GRIP1: variants seen among roughly 807,000 people sequenced by gnomAD.
GRIP1 encodes glutamate receptor-interacting protein 1.
Under a neutral mutation model 129.9 loss-of-function variants are expected in GRIP1, and 45 were observed. That is an observed-to-expected ratio of 0.35 (90% confidence interval 0.27 to 0.44). GRIP1 has a LOEUF of 0.44. Ranked by LOEUF, GRIP1 falls within the 20% of genes least tolerant of loss-of-function variation. The pLI is 1.00. For missense variants in GRIP1, 1,196 were observed against 1,396.8 expected, an observed-to-expected ratio of 0.86 and a Z score of 2.29; for synonymous variants, 530 against 520.8, an observed-to-expected ratio of 1.02 and a Z score of -0.24.
At chr12:66,519,999 C>T (rs897010158) in intron 5 of GRIP1, among the ~76,000 whole-genome samples, 6 of 152,104 alleles carry the variant, frequency 3.9e-5, no homozygotes, top group Non-Finnish European at 8.8e-5. Flanking sequence ...ATGCAAGCTT[C>T]TATTGTTTAG....
At chr12:66,684,251 G>C (rs2034695374) in intron 1 of GRIP1, among the ~76,000 whole-genome samples, 1 of 152,074 alleles carries the variant, frequency 6.6e-6, no homozygotes, top group African/African-American at 2.4e-5. Context: ...GGATTGGTTT[G>C]GTCAGAGAAA....
chr12:67,047,384 A>T (rs999687857), intron 1 of GRIP1, among the ~76,000 whole-genome samples: 3 of 152,186 alleles, frequency 2.0e-5, no homozygotes, highest in Admixed American at 6.5e-5. Flanking sequence ...AGATAACTTA[A>T]TATTTTCATG....
At chr12:66,820,498 T>C (rs1367079267) in intron 1 of GRIP1, among the ~76,000 whole-genome samples, 1 of 152,150 alleles carries the variant, frequency 6.6e-6, no homozygotes, top group Non-Finnish European at 1.5e-5. Flanking sequence ...GCAATCATGC[T>C]CATTGGTATT....
intron 1 of GRIP1, among the ~76,000 whole-genome samples, chr12:66,676,743 TCCA>T (rs373984465): frequency 7.2e-4 from 110 of 152,198 alleles, no homozygotes; most frequent in African/African-American, 2.5e-3. Context: ...CAAGTGTATA[TCCA>T]CCCCTGTCCC....
chr12:66,701,342 A>T (rs1484551860), intron 1 of GRIP1, among the ~76,000 whole-genome samples: 1 of 152,236 alleles, frequency 6.6e-6, no homozygotes, highest in Non-Finnish European at 1.5e-5. Context: ...CTACTTTAGT[A>T]GAATTACTTT....
chr12:66,820,053 C>CT (rs2039291140), intron 1 of GRIP1, among the ~76,000 whole-genome samples: 1 of 152,128 alleles, frequency 6.6e-6, no homozygotes. Flanking sequence ...CTGAGGTTCT[C>CT]ACAGTGAATA....
chr12:67,066,818 G>A (rs1175207711), intron 1 of GRIP1, among the ~76,000 whole-genome samples: 2 of 149,492 alleles, frequency 1.3e-5, no homozygotes, highest in East Asian at 3.9e-4. Flanking sequence ...AAAAGGATAA[G>A]CCAAGCTCAA....
At chr12:66,631,603 TTC>T (rs1026972189) in intron 1 of GRIP1, among the ~76,000 whole-genome samples, 1 of 144,322 alleles carries the variant, frequency 6.9e-6, no homozygotes, top group African/African-American at 2.6e-5. Flanking sequence ...GATGCGAGAT[TTC>T]TCTCTTTCTC....
At chr12:66,577,288 G>A (rs750339439) in intron 2 of GRIP1, among the ~76,000 whole-genome samples, 12 of 91,124 alleles carry the variant, frequency 1.3e-4, no homozygotes, top group Admixed American at 2.5e-4. Context: ...ATCAGGGTAA[G>A]GAATGCTCAA....
At chr12:66,600,363 A>G (rs1268742615) in intron 1 of GRIP1, among the ~76,000 whole-genome samples, 2 of 152,246 alleles carry the variant, frequency 1.3e-5, no homozygotes, top group East Asian at 1.9e-4. Flanking sequence ...AACGAACAAA[A>G]AAAAGGTCAA....
chr12:66,488,046 G>A (rs2060003575), intron 7 of GRIP1, among the ~76,000 whole-genome samples: 2 of 152,038 alleles, frequency 1.3e-5, no homozygotes, highest in Admixed American at 6.6e-5. Context: ...TTTAACACCC[G>A]ACAGGCAATA....
rs1428079434 is a variant in GRIP1, at chr12:66,581,337, T to G, written c.136+15510A>C. 6.6e-5 allele frequency among the ~76,000 whole-genome samples: 10 copies of G among 150,586 alleles called. No homozygotes were observed. The East Asian group carries it at 9.8e-4, about 15-fold the overall frequency. ...AAAATTGACACCCTAACATCACAAT[T>G]AAAAGAACTAGAAAAGCAAGAGCAA... On this transcript the variant is annotated intron_variant, in intron 2 of 24. Transcript: ENST00000359742.
At chr12:66,971,831 G>A (rs760695152) in intron 1 of GRIP1, among the ~76,000 whole-genome samples, 1 of 152,172 alleles carries the variant, frequency 6.6e-6, no homozygotes, top group African/African-American at 2.4e-5. Flanking sequence ...GTGAAGAAAT[G>A]TCACTTTGAT....
At chr12:66,748,113 G>A (rs138037518) in intron 1 of GRIP1, among the ~76,000 whole-genome samples, 6,556 of 152,012 alleles carry the variant, frequency 0.043, 238 homozygotes, top group African/African-American at 0.094. Context: ...CCACCTTCTG[G>A]GTTTAAGCGA....
chr12:66,477,144 A>C (rs1194468267), intron 7 of GRIP1, among the ~76,000 whole-genome samples: 3 of 152,222 alleles, frequency 2.0e-5, no homozygotes, highest in Non-Finnish European at 4.4e-5. Context: ...GTCTCAGCCC[A>C]AAATCTCCTT....
At chr12:66,661,990 A>C (rs1036029285) in intron 1 of GRIP1, among the ~76,000 whole-genome samples, 1 of 152,192 alleles carries the variant, frequency 6.6e-6, no homozygotes. Context: ...CACTGTAGCC[A>C]TTCCCACCCT....
At chr12:66,598,017 G>A (rs1383410971) in intron 1 of GRIP1, among the ~76,000 whole-genome samples, 2 of 151,556 alleles carry the variant, frequency 1.3e-5, no homozygotes, top group African/African-American at 2.4e-5. Flanking sequence ...TGCTGGCCAC[G>A]CTATAAGATG....
intron 1 of GRIP1, among the ~76,000 whole-genome samples, chr12:66,620,595 C>G (rs2065224743): frequency 6.6e-6 from 1 of 152,154 alleles, no homozygotes; most frequent in South Asian, 2.1e-4. Context: ...ATTGATTTTA[C>G]ACTCCAGGTA....
chr12:66,581,686 T>C (rs1226484849), intron 2 of GRIP1, among the ~76,000 whole-genome samples: 5 of 151,730 alleles, frequency 3.3e-5, no homozygotes, highest in Admixed American at 2.0e-4. Context: ...ATACATACAC[T>C]CTCCCAAGAC....
Sources: gnomAD v4.1 joint callset for allele counts (sites outside exome capture counted in the v4.1 genomes callset) on GRCh38, gnomAD v4.1.1 for gene constraint, MANE v1.5 for transcripts, NCBI Gene and HGNC (gene_info 2026-07-23, HGNC 2026-07-21) for gene names.